The following SLC25A48 variants were observed in gnomAD, a reference collection of about 807,000 sequenced individuals.
SLC25A48 encodes solute carrier family 25 member 48, also known as CTC-321K16.1.
Under a neutral mutation model 32.2 loss-of-function variants are expected in SLC25A48, and 29 were observed. The observed-to-expected ratio is 0.90, with a 90% CI of 0.67 to 1.23. SLC25A48 has a LOEUF of 1.23. Ranked by LOEUF, SLC25A48 falls within the 50% of genes most tolerant of loss-of-function variation. The pLI is 0.00. For missense variants in SLC25A48, 399 were observed against 422.7 expected, an observed-to-expected ratio of 0.94 and a Z score of 0.49; for synonymous variants, 164 against 172.3, an observed-to-expected ratio of 0.95 and a Z score of 0.38.
At chr5:135,820,161 G>C (rs1325142377) in intron 4 of SLC25A48, among the ~76,000 whole-genome samples, 1 of 152,136 alleles carries the variant, frequency 6.6e-6, no homozygotes, top group African/African-American at 2.4e-5. Flanking sequence ...GAAACAACTA[G>C]ACTGTATACA....
At chr5:135,821,107 T>C (rs1191706370) in intron 4 of SLC25A48, among the ~76,000 whole-genome samples, 1 of 152,172 alleles carries the variant, frequency 6.6e-6, no homozygotes, top group African/African-American at 2.4e-5. Context: ...AACTCTCCAA[T>C]CTGCAAAATG....
intron 1 of SLC25A48, among the ~76,000 whole-genome samples, chr5:135,618,714 T>G (rs1752247503): frequency 6.6e-6 from 1 of 152,162 alleles, no homozygotes; most frequent in South Asian, 2.1e-4. Context: ...CATTTGCTTG[T>G]CTGGGAAAGA....
intron 1 of SLC25A48, among the ~76,000 whole-genome samples, chr5:135,611,861 T>C (rs1752080411): frequency 6.6e-6 from 1 of 152,226 alleles, no homozygotes; most frequent in Non-Finnish European, 1.5e-5. Context: ...TATGATTTCA[T>C]GCAATAAGGC....
At chr5:135,612,347 G>T (rs1038362933) in intron 1 of SLC25A48, among the ~76,000 whole-genome samples, 2 of 152,120 alleles carry the variant, frequency 1.3e-5, no homozygotes, top group African/African-American at 4.8e-5. Flanking sequence ...GTGTTGTTGG[G>T]GTATCTATCG....
intron 3 of SLC25A48, among the ~76,000 whole-genome samples, chr5:135,797,257 TCC>T (rs1353485811): frequency 6.6e-6 from 1 of 151,942 alleles, no homozygotes; most frequent in African/African-American, 2.4e-5. Flanking sequence ...ATGATATTAC[TCC>T]CAATATCACA....
At chr5:135,582,654 G>A (rs906362847) in intron 1 of SLC25A48, among the ~76,000 whole-genome samples, 6 of 152,106 alleles carry the variant, frequency 3.9e-5, no homozygotes, top group African/African-American at 1.2e-4. Context: ...CCAGCAGTGC[G>A]CACCCAATCA....
intron 2 of SLC25A48, among the ~76,000 whole-genome samples, chr5:135,844,429 G>C (rs144765225): frequency 8.3e-4 from 126 of 152,274 alleles, no homozygotes; most frequent in African/African-American, 2.9e-3. Flanking sequence ...CTTCTCCAGG[G>C]TTCATTCAAC....
At chr5:135,600,953 G>C (rs938406792) in intron 1 of SLC25A48, 1 of 151,824 alleles carries the variant, frequency 6.6e-6, no homozygotes, top group Non-Finnish European at 1.5e-5. Flanking sequence ...GCCTCCCAAA[G>C]TGCTGGGATT....
chr5:135,783,742 G>T lies in SLC25A48; in HGVS notation c.-520-28781G>T, dbSNP rs143664543. Among the ~76,000 whole-genome samples, 214 of 119,038 alleles carry T rather than the reference G, an allele frequency of 1.8e-3. 70 individuals carry two copies. Among genetic ancestry groups the T allele is most frequent in the South Asian group, 2.9e-3 (10 of 3,414 alleles). The allele number at this position is 119,038 out of a possible 152,430, so 78.1% of individuals were successfully genotyped here. A position where few individuals can be genotyped will look rare whatever the true frequency, so the allele number is the denominator to read the frequency against. ...TGATACTGTTCTTAATTTCCAGAGG[G>T]AAGGAGGATAATATTGCTTTCAATA... On this transcript the variant is annotated intron_variant, in intron 3 of 10. Coordinates refer to the SLC25A48 transcript ENST00000646290.
At position 135,877,197 on chromosome 5, in the gene SLC25A48, C is replaced by T. The variant is rs17169270; in HGVS notation, c.814-2771C>T. Among the ~76,000 whole-genome samples the T allele has an allele frequency of 4.3e-3, 648 of 152,226 alleles. 5 individuals carry two copies. The highest frequency in any genetic ancestry group is 0.015 in the African/African-American group (623 of 41,552). ...GAAGGAAAGTCTGGTAGTTTTGGAG[C>T]CATTCTCTGCCCACTGTTAGGGTCG... On this transcript the variant is annotated intron_variant, in intron 6 of 7. Transcript: ENST00000681962.
intron 4 of SLC25A48, among the ~76,000 whole-genome samples, chr5:135,857,677 A>G (rs563266904): frequency 6.6e-6 from 1 of 152,300 alleles, no homozygotes; most frequent in African/African-American, 2.4e-5. Context: ...CCTACAAACC[A>G]TGGTGGTAGG....
chr5:135,650,126 T>C (rs1744680989), intron 3 of SLC25A48: 1 of 194,576 alleles, frequency 5.1e-6, no homozygotes, highest in South Asian at 8.0e-5. Context: ...TGGCCCATAA[T>C]TGCTTGGAGA....
At chr5:135,840,043 G>T (rs1758859951) in intron 1 of SLC25A48, among the ~76,000 whole-genome samples, 1 of 152,162 alleles carries the variant, frequency 6.6e-6, no homozygotes, top group Admixed American at 6.5e-5. Flanking sequence ...AATACAAAGG[G>T]CTTCTTAATC....
Position 135,653,681 on chromosome 5 carries a change from G to C in SLC25A48, c.-521+18725G>C, listed in dbSNP as rs565278351. ...TACAAAGAGTCAGAGGGAGGGAGAA[G>C]ACTTTCCCATAAGACAGACCAATCT... On this transcript the variant is annotated intron_variant, in intron 3 of 10. Transcript: ENST00000646290. Among the ~76,000 whole-genome samples the C allele has an allele frequency of 2.2e-3, 340 of 152,266 alleles. 3 individuals are homozygous for C. Among genetic ancestry groups the C allele is most frequent in the African/African-American group, 7.9e-3 (327 of 41,550 alleles).
rs139033171 is a variant in SLC25A48 at position 135,683,758 on chromosome 5, C to T, written c.-521+48802C>T. Among the ~76,000 whole-genome samples the T allele has an allele frequency of 3.9e-3, 596 of 152,308 alleles. 8 individuals are homozygous for T. Among genetic ancestry groups the T allele is most frequent in the South Asian group, 7.0e-3 (34 of 4,832 alleles). ...CCTTCTAATGGAATGTGGGTTAACA[C>T]TGAGCACTTGAGGTTCCCGGACTTT... On this transcript the variant is annotated intron_variant, in intron 3 of 10. Coordinates refer to the SLC25A48 transcript ENST00000646290.
At chr5:135,874,340 T>C (rs1255319758) in intron 6 of SLC25A48, among the ~76,000 whole-genome samples, 186 bp downstream of exon 6, 2 of 152,306 alleles carry the variant, frequency 1.3e-5, no homozygotes, top group Non-Finnish European at 1.5e-5. Context: ...ACATGGCCAG[T>C]GGAGGAGATA....
Position 135,635,532 on chromosome 5 carries a change from A to G in SLC25A48, c.-521+576A>G, listed in dbSNP as rs140258483. Among the ~76,000 whole-genome samples the G allele has an allele frequency of 4.5e-4, 69 of 152,342 alleles. No individual in the cohort carries two copies. The East Asian group carries it at 0.011, about 24-fold the overall frequency. Reference sequence around the variant, plus strand: ...GCCTTAGAGGTTATCTTACCAGCCAATGCTTTAGTGCAGGATTTCATCTAC... The same window carrying G: ...GCCTTAGAGGTTATCTTACCAGCCAGTGCTTTAGTGCAGGATTTCATCTAC... On this transcript the variant is annotated intron_variant, in intron 3 of 10. Coordinates refer to the SLC25A48 transcript ENST00000646290.
chr5:135,859,365 T>G (rs1311546804), intron 4 of SLC25A48, among the ~76,000 whole-genome samples: 2 of 152,070 alleles, frequency 1.3e-5, no homozygotes, highest in Non-Finnish European at 2.9e-5. Flanking sequence ...CTCACTATCA[T>G]GAGAACAGCA....
intron 3 of SLC25A48, among the ~76,000 whole-genome samples, chr5:135,728,640 C>A (rs961385112): frequency 2.0e-5 from 3 of 152,112 alleles, no homozygotes; most frequent in African/African-American, 7.2e-5. Context: ...AAAACATACT[C>A]AATTACTTCC....
Sources: allele counts gnomAD v4.1 joint callset (sites outside exome capture counted in the v4.1 genomes callset), GRCh38; gene constraint gnomAD v4.1.1; transcripts MANE v1.5; gene names NCBI Gene and HGNC (gene_info 2026-07-23, HGNC 2026-07-21).